The following ARL13B variants were observed in gnomAD, a reference collection of about 807,000 sequenced individuals.
The protein encoded by ARL13B is ADP-ribosylation factor-like protein 13B.
ARL13B carries 36 observed loss-of-function variants against 56.1 expected under a neutral mutation model. That is an observed-to-expected ratio of 0.64 (90% CI 0.49 to 0.85). The LOEUF is 0.85. Ranked by LOEUF, ARL13B falls within the 40% of genes least tolerant of loss-of-function variation. ARL13B has a pLI of 0.00. For synonymous variants in ARL13B, 178 were observed against 171.1 expected (o/e 1.04, Z -0.32); for missense variants, 519 against 507.1 (o/e 1.02, Z -0.23).
intron 2 of ARL13B, among the ~76,000 whole-genome samples, chr3:93,997,756 G>A (rs2075991479): frequency 6.6e-6 from 1 of 152,196 alleles, no homozygotes; most frequent in Non-Finnish European, 1.5e-5. Context: ...GGAGGCCGAG[G>A]TGGGCAGATC....
At chr3:94,016,418 T>C (rs1023993262) in intron 3 of ARL13B, among the ~76,000 whole-genome samples, 3 of 152,064 alleles carry the variant, frequency 2.0e-5, no homozygotes, top group African/African-American at 7.2e-5. Context: ...AATGTGTAGA[T>C]GGTGTAAAAT....
Position 93,980,336 on chromosome 3 carries a change from C to T in ARL13B, c.-88C>T, listed in dbSNP as rs1348616157. 5 of 1,550,800 alleles carry T rather than the reference C, an allele frequency of 3.2e-6. No individual in the cohort carries two copies. Among genetic ancestry groups the T allele is most frequent in the Non-Finnish European group, 4.4e-6 (5 of 1,133,620 alleles). ...CCCGACTTATCCACTTTAGGGGCGT[C>T]TCGGAGTGCCGGAGGCCCCCGGGGA... On this transcript the variant is annotated 5_prime_UTR_variant, in exon 1 of 10. Transcript: ENST00000394222.
At chr3:94,045,676 G>A (rs566656970) in intron 7 of ARL13B, among the ~76,000 whole-genome samples, 121 of 151,960 alleles carry the variant, frequency 8.0e-4, no homozygotes, top group African/African-American at 2.8e-3. Flanking sequence ...ATACTATAAA[G>A]TAGTGGCCGG....
chr3:93,988,873 G>C (rs2107346379), intron 1 of ARL13B: 1 of 376,226 alleles, frequency 2.7e-6, no homozygotes, highest in African/African-American at 2.2e-5. Context: ...AGGTTTAGCT[G>C]ACAAGTGCGC....
intron 3 of ARL13B, chr3:94,014,322 C>T (rs1575976497): frequency 7.4e-7 from 1 of 1,356,062 alleles, no homozygotes; most frequent in Non-Finnish European, 9.9e-7. Flanking sequence ...AAAAACAATA[C>T]AAGACACTGA....
chr3:94,006,759 C>T (rs1207717064), intron 3 of ARL13B, among the ~76,000 whole-genome samples: 1 of 152,192 alleles, frequency 6.6e-6, no homozygotes, highest in Non-Finnish European at 1.5e-5. Context: ...TAAAGTCCTT[C>T]AAGTTCCTTT....
chr3:94,032,743 G>A lies in ARL13B; in HGVS notation c.381-2588G>A, dbSNP rs751096911. 7.9e-5 allele frequency among the ~76,000 whole-genome samples: 12 copies of A among 152,208 alleles called. No individual in the cohort carries two copies. In the South Asian group the frequency reaches 1.7e-3, roughly 21 times the overall value. ...GATCTCCTGACCTTGTGATCCGCCC[G>A]CCTCGGCCTCCCAAAGTGCTGGGAT... On this transcript the variant is annotated intron_variant, in intron 3 of 9. Coordinates refer to ENST00000394222, the MANE Select transcript of ARL13B (RefSeq NM_001174150.2).
intron 1 of ARL13B, among the ~76,000 whole-genome samples, chr3:93,981,736 C>T (rs756304500): frequency 2.6e-5 from 4 of 151,514 alleles, no homozygotes; most frequent in East Asian, 3.9e-4. Context: ...TAAACGGGCA[C>T]GGTGACGCAC....
At chr3:94,048,956 C>T (rs1265688028) in intron 7 of ARL13B, among the ~76,000 whole-genome samples, 1 of 152,076 alleles carries the variant, frequency 6.6e-6, no homozygotes, top group Non-Finnish European at 1.5e-5. Context: ...TTTTATGTCA[C>T]ATTTCAAAGG....
At chr3:94,005,895 T>C (rs2076126071) in intron 3 of ARL13B, among the ~76,000 whole-genome samples, 1 of 152,202 alleles carries the variant, frequency 6.6e-6, no homozygotes, top group Non-Finnish European at 1.5e-5. Flanking sequence ...GAAAAGAATG[T>C]TTAAAAACAT....
intron 3 of ARL13B, among the ~76,000 whole-genome samples, chr3:94,013,834 C>T (rs1307651384): frequency 6.6e-6 from 1 of 152,148 alleles, no homozygotes. Context: ...GTAATCCCAG[C>T]TACTCAGGAG....
At chr3:94,035,236 C>CA (rs374163446) in intron 3 of ARL13B, 95 bp from the exon 4 acceptor site, 39,744 of 553,258 alleles carry the variant, frequency 0.072, 2 homozygotes, top group Non-Finnish European at 0.076. Context: ...GACTCAGTCT[C>CA]AAAAAAAAAA....
At chr3:93,983,653 T>G in intron 1 of ARL13B, among the ~76,000 whole-genome samples, 1 of 152,120 alleles carries the variant, frequency 6.6e-6, no homozygotes, top group Non-Finnish European at 1.5e-5. Context: ...TTCTGGGGTT[T>G]TTTTTGTTTT....
intron 2 of ARL13B, chr3:93,996,668 A>G: frequency 2.3e-6 from 1 of 426,020 alleles, no homozygotes; most frequent in Non-Finnish European, 4.8e-6. Context: ...ATGAGCCACC[A>G]CGCCCAGCCC....
intron 3 of ARL13B, among the ~76,000 whole-genome samples, chr3:94,031,237 G>A (rs1049273074): frequency 6.6e-6 from 1 of 151,688 alleles, no homozygotes; most frequent in African/African-American, 2.4e-5. Flanking sequence ...GTAAAACTTG[G>A]TAGTTGATTT....
intron 3 of ARL13B, among the ~76,000 whole-genome samples, chr3:94,033,977 G>A (rs2076722281): frequency 6.6e-6 from 1 of 152,158 alleles, no homozygotes; most frequent in Non-Finnish European, 1.5e-5. Context: ...TGGTAGTGGG[G>A]AGGGCAGGTA....
At chr3:93,991,197 T>C (rs2075869796) in intron 1 of ARL13B, among the ~76,000 whole-genome samples, 1 of 152,212 alleles carries the variant, frequency 6.6e-6, no homozygotes, top group African/African-American at 2.4e-5. Flanking sequence ...TTATAGACAC[T>C]GTAAACCTAA....
chr3:93,987,389 A>C (rs1310986507), intron 1 of ARL13B, among the ~76,000 whole-genome samples: 1 of 152,206 alleles, frequency 6.6e-6, no homozygotes, highest in African/African-American at 2.4e-5. Flanking sequence ...TATTATATAC[A>C]TTGTGTTGAC....
At chr3:94,019,573 C>A (rs1393020449) in intron 3 of ARL13B, among the ~76,000 whole-genome samples, 1 of 144,350 alleles carries the variant, frequency 6.9e-6, no homozygotes, top group Non-Finnish European at 1.5e-5. Flanking sequence ...GCACCAACTA[C>A]CCCCCATCCT....
Sources: allele counts gnomAD v4.1 joint callset (sites outside exome capture counted in the v4.1 genomes callset), GRCh38; gene constraint gnomAD v4.1.1; transcripts MANE v1.5; gene names NCBI Gene and HGNC (gene_info 2026-07-23, HGNC 2026-07-21).